The following RSF1 variants were observed in gnomAD, a reference collection of about 807,000 sequenced individuals.
The protein encoded by RSF1 is remodeling and spacing factor 1, also known as HBV pX-associated protein 8.
A neutral mutation model predicts 145.2 loss-of-function variants in RSF1; 13 were observed. The ratio of observed to expected loss-of-function variants is 0.09; its 90% CI spans 0.06 to 0.14. RSF1 has a LOEUF of 0.14. RSF1 is among the 10% of genes least tolerant of loss of function. The pLI is 1.00. For missense variants in RSF1, 1,517 were observed against 1,718.2 expected (o/e 0.88, Z 2.07); for synonymous variants, 577 against 592.6 (o/e 0.97, Z 0.38).
chr11:77,770,330 C>T (rs1055255181), intron 1 of RSF1, among the ~76,000 whole-genome samples: 5 of 152,044 alleles, frequency 3.3e-5, no homozygotes, highest in South Asian at 4.2e-4. Flanking sequence ...GGTGTGGTGG[C>T]GTGCACCTGT....
intron 5 of RSF1, among the ~76,000 whole-genome samples, chr11:77,723,154 A>C (rs1960977698): frequency 6.6e-6 from 1 of 152,222 alleles, no homozygotes; most frequent in Non-Finnish European, 1.5e-5. Flanking sequence ...GGAGGCTCAG[A>C]CTACTTTTAA....
At chr11:77,854,571 T>G in the RSF1 span, among the ~76,000 whole-genome samples, 1 of 152,232 alleles carries the variant, frequency 6.6e-6, no homozygotes, top group Non-Finnish European at 1.5e-5. Flanking sequence ...TGGCTCCATG[T>G]CTCACATCCA....
intron 9 of RSF1, among the ~76,000 whole-genome samples, chr11:77,685,854 T>C (rs191290241): frequency 1.2e-4 from 19 of 152,304 alleles, no homozygotes; most frequent in Non-Finnish European, 2.5e-4. Flanking sequence ...TTTGGGTGTA[T>C]GTATAAACAA....
In RSF1 at chr11:77,683,736, T is replaced by C. The variant is rs771785019; in HGVS notation, c.3039A>G (p.Thr1013=). The change falls in exon 11 of 16, where the codon ACA becomes ACG. Residue 1013 remains threonine (T), a synonymous_variant. Transcript: ENST00000308488. ...SKANLLERRS[T]RTRKCISYRF... is the part of the protein sequence containing the mutation. ...TGTAGCTTATACATTTCCTTGTTCTTGTTGACCTCCTTTCAAGCAAGTTTG... is the reference window on the plus strand; with the variant it reads ...TGTAGCTTATACATTTCCTTGTTCTCGTTGACCTCCTTTCAAGCAAGTTTG... 5 of 1,613,020 alleles carry C rather than the reference T, an allele frequency of 3.1e-6. No homozygotes were observed. The highest frequency in any genetic ancestry group is 4.2e-6 in the Non-Finnish European group (5 of 1,179,472).
At chr11:77,681,874 T>C (rs1159896993) in intron 11 of RSF1, among the ~76,000 whole-genome samples, 1 of 152,344 alleles carries the variant, frequency 6.6e-6, no homozygotes, top group East Asian at 1.9e-4. Flanking sequence ...TAATGCAGTA[T>C]TTATGTATTT....
chr11:77,692,543 C>CAA (rs1422626946), intron 8 of RSF1, among the ~76,000 whole-genome samples: 1 of 103,114 alleles, frequency 9.7e-6, no homozygotes, highest in African/African-American at 5.0e-5. Flanking sequence ...CGCGCCCGGC[C>CAA]ACTACTTTTA....
Position 77,701,020 on chromosome 11 carries a change from T to A in RSF1, c.2209A>T (p.Ile737Phe). The A allele has an allele frequency of 1.9e-6, 3 of 1,613,818 alleles. No homozygotes were observed. Among genetic ancestry groups the A allele is most frequent in the Non-Finnish European group, 2.5e-6 (3 of 1,180,032 alleles). ...ERQKEGIKLT[I>F]RISSRKKKPD... ...TTCTTTTTCCGACTTGATATCCTGATTGTTAATTTGATGCCCTCTTTCTGC... is the reference window on the plus strand; with the variant it reads ...TTCTTTTTCCGACTTGATATCCTGAATGTTAATTTGATGCCCTCTTTCTGC... The change falls in exon 6 of 16, where the codon ATC becomes TTC. Residue 737 changes from isoleucine to phenylalanine, a missense_variant. By Grantham distance (21) the Ile-to-Phe change is conservative. Around this residue, in one of 12 missense-constraint regions of RSF1, gnomAD observed 579 missense variants for 553.5 expected, o/e 1.05. Transcript: ENST00000308488.
At chr11:77,693,695 A>G in intron 7 of RSF1, 84 bp from the exon 8 acceptor site, 1 of 829,320 alleles carries the variant, frequency 1.2e-6, no homozygotes, top group Non-Finnish European at 2.0e-6. Context: ...ATCTCTGAGT[A>G]CTATACTGCA....
At chr11:77,675,363 G>A in intron 13 of RSF1, 107 bp from the exon 14 acceptor site, 2 of 762,328 alleles carry the variant, frequency 2.6e-6, no homozygotes, top group East Asian at 2.7e-5. Context: ...ATTAAGTATA[G>A]TGCAACATAT....
intron 5 of RSF1, among the ~76,000 whole-genome samples, chr11:77,721,174 A>G (rs1428377024): frequency 6.6e-6 from 1 of 152,148 alleles, no homozygotes; most frequent in East Asian, 1.9e-4. Flanking sequence ...CAATTTGCAA[A>G]TATCTAACCA....
chr11:77,743,299 C>T (rs896598702), intron 3 of RSF1, among the ~76,000 whole-genome samples: 11 of 152,128 alleles, frequency 7.2e-5, no homozygotes, highest in African/African-American at 2.2e-4. Flanking sequence ...ATAGGGACTG[C>T]GTTGAATCTG....
intron 1 of RSF1, among the ~76,000 whole-genome samples, chr11:77,786,494 A>G (rs930184040): frequency 5.9e-5 from 9 of 152,208 alleles, no homozygotes; most frequent in African/African-American, 1.9e-4. Flanking sequence ...TATATTTCCT[A>G]TTTCATATAG....
At chr11:77,759,916 TATC>T (rs1467079340) in intron 2 of RSF1, among the ~76,000 whole-genome samples, 2 of 151,420 alleles carry the variant, frequency 1.3e-5, no homozygotes, top group East Asian at 3.9e-4. Context: ...TGTTATCTAT[TATC>T]ATTATTATTA....
the RSF1 span, among the ~76,000 whole-genome samples, chr11:77,852,762 T>G: frequency 2.0e-5 from 3 of 152,146 alleles, no homozygotes; most frequent in African/African-American, 7.2e-5. Flanking sequence ...AAATAATTTT[T>G]TTTCTTTTTT....
upstream of RSF1, chr11:77,821,037 C>G: frequency 3.5e-6 from 1 of 283,796 alleles, no homozygotes; most frequent in Non-Finnish European, 6.6e-6. Context: ...GGCGGGGAGG[C>G]GGGCTGGAAG....
Position 77,663,552 on chromosome 11 carries a change from TA to T in RSF1, c.*3364del, listed in dbSNP as rs746100344. Reference sequence around the variant, plus strand: ...ATTGCCAGTAGACATGAATTTATTCTAAATGAAACTACCCTTTATCCTCTGA... The same window carrying T: ...ATTGCCAGTAGACATGAATTTATTCTAATGAAACTACCCTTTATCCTCTGA... On this transcript the variant is annotated 3_prime_UTR_variant, in exon 16 of 16. Transcript: ENST00000308488. 7.2e-5 allele frequency: 11 copies of T among 152,198 alleles called. No individual in the cohort carries two copies. The highest frequency in any genetic ancestry group is 1.5e-4 in the Non-Finnish European group (10 of 68,026). The allele number at this position is 152,198 out of a possible 1,614,324, so 9.4% of individuals were successfully genotyped here.
chr11:77,814,231 C>T lies in RSF1; in HGVS notation c.187+6297G>A, dbSNP rs1253523570. 3.3e-5 allele frequency among the ~76,000 whole-genome samples: 5 copies of T among 150,288 alleles called. No individual in the cohort carries two copies. The South Asian group carries it at 6.3e-4, about 19-fold the overall frequency. ...AAAAAGTTTTGGCCACAAGTGGTGA[C>T]TCATGCCTGTAACCCCAGCACTTTG... is the stretch of plus-strand genomic sequence containing the variant. On this transcript the variant is annotated intron_variant, in intron 1 of 15. Transcript: ENST00000308488.
the RSF1 span, chr11:77,869,939 C>G: frequency 1.1e-6 from 1 of 876,454 alleles, no homozygotes; most frequent in Non-Finnish European, 1.8e-6. Flanking sequence ...TTTGCTGACC[C>G]AGGATAGCAG....
Position 77,701,805 on chromosome 11 carries a change from G to A in RSF1, c.1424C>T (p.Ser475Phe), listed in dbSNP as rs751215835. ...YETKEESYSP[S>F]KDRNIITEGN... Reference sequence around the variant, plus strand: ...CTCCGTGATGATATTTCTGTCCTTAGAGGGGCTATAGCTCTCTTCCTTTGT... The same window carrying A: ...CTCCGTGATGATATTTCTGTCCTTAAAGGGGCTATAGCTCTCTTCCTTTGT... Residue 475 changes from serine to phenylalanine, a missense_variant, in exon 6 of 16, where the codon TCT becomes TTT. By Grantham distance (155) the Ser-to-Phe change is radical. Coordinates refer to ENST00000308488, the MANE Select transcript of RSF1 (RefSeq NM_016578.4). 6 of 1,613,836 alleles carry A rather than the reference G, an allele frequency of 3.7e-6. No homozygotes were observed. In the African/African-American group the frequency reaches 5.3e-5, roughly 14 times the overall value.
Sources: allele counts gnomAD v4.1 joint callset (sites outside exome capture counted in the v4.1 genomes callset), GRCh38; gene constraint gnomAD v4.1.1; regional missense constraint gnomAD v4.1.1; transcripts MANE v1.5; gene names NCBI Gene and HGNC (gene_info 2026-07-23, HGNC 2026-07-21).